USP16: variants seen among roughly 807,000 people sequenced by gnomAD.
USP16 encodes the protein ubiquitin carboxyl-terminal hydrolase 16.
USP16 carries 77 observed loss-of-function variants against 95.9 expected under a neutral mutation model. The ratio of observed to expected loss-of-function variants is 0.80; its 90% confidence interval spans 0.67 to 0.97. USP16 has a LOEUF of 0.97. USP16 is among the 50% of genes least tolerant of loss of function. The pLI, the probability that USP16 is intolerant of heterozygous loss-of-function variation, is 0.00. For missense variants in USP16, 943 were observed against 959.9 expected (o/e 0.98, Z 0.23); for synonymous variants, 303 against 318.2 (o/e 0.95, Z 0.51).
intron 3 of USP16, among the ~76,000 whole-genome samples, chr21:29,032,290 G>T (rs998350967): frequency 3.9e-5 from 6 of 151,976 alleles, no homozygotes; most frequent in Non-Finnish European, 1.5e-5. Flanking sequence ...GGAGTTCAGC[G>T]GTATAATCAC....
rs553862493 is a variant in USP16, at chr21:29,032,599, C to T, written c.240+1826C>T. 7.2e-3 allele frequency among the ~76,000 whole-genome samples: 1,093 copies of T among 152,254 alleles called. 12 individuals are homozygous for T. The highest frequency in any genetic ancestry group is 0.025 in the African/African-American group (1,036 of 41,548). On this transcript the variant is annotated intron_variant, in intron 3 of 17. Coordinates refer to ENST00000399976, the MANE Select transcript of USP16 (RefSeq NM_006447.3). ...CAAAGCTGTGTGTATCAAGTTTGCT[C>T]TTTTTTTATTACTGAGCGTATTTTA...
chr21:29,027,319 A>G (rs556387255), intron 1 of USP16, among the ~76,000 whole-genome samples: 1 of 152,370 alleles, frequency 6.6e-6, no homozygotes, highest in Admixed American at 6.5e-5. Flanking sequence ...CGCATAGGAA[A>G]TCCTGGTGTG....
Position 29,053,836 on chromosome 21 carries a change from C to T in USP16, c.2228C>T (p.Ser743Phe). The T allele has an allele frequency of 1.2e-6, 2 of 1,613,822 alleles. No homozygotes were observed. Among genetic ancestry groups the T allele is most frequent in the Non-Finnish European group, 1.7e-6 (2 of 1,179,926 alleles). The change falls in exon 17 of 18, where the codon TCC (serine) becomes TTC (phenylalanine). Residue 743 changes from serine (S) to phenylalanine (F), a missense_variant. Physicochemically the swap from Ser to Phe is radical, Grantham distance 155 (BLOSUM62 -2). Coordinates refer to ENST00000399976, the MANE Select transcript of USP16 (RefSeq NM_006447.3). The stretch of plus-strand genomic sequence containing the variant: ...GAAGAAAATACAAGGGTACTCTATT[C>T]CTTATATGGAGTTGTTGAACACAGT... ...VAEENTRVLYSLYGVVEHSGT... is the reference protein window; with the variant it reads ...VAEENTRVLYFLYGVVEHSGT...
At chr21:29,051,120 A>G (rs2085406978) in intron 16 of USP16, among the ~76,000 whole-genome samples, 1 of 152,142 alleles carries the variant, frequency 6.6e-6, no homozygotes, top group African/African-American at 2.4e-5. Context: ...TGGCAGAGAA[A>G]GGGTTGAGGA....
At chr21:29,053,590 C>T in intron 16 of USP16, 1 of 476,146 alleles carries the variant, frequency 2.1e-6, no homozygotes, top group South Asian at 4.3e-5. Flanking sequence ...TGGCTTACAG[C>T]TTTTCTACCA....
chr21:29,038,896 T>A, intron 7 of USP16, 130 bp from the exon 8 acceptor site: 1 of 875,078 alleles, frequency 1.1e-6, no homozygotes, highest in Non-Finnish European at 1.6e-6. Context: ...TCTTTTGATG[T>A]ACATTTTAAA....
At chr21:29,046,065 A>C (rs955438506) in intron 13 of USP16, among the ~76,000 whole-genome samples, 1 of 152,106 alleles carries the variant, frequency 6.6e-6, no homozygotes, top group Admixed American at 6.5e-5. Flanking sequence ...CTCAAGTGAG[A>C]TGCCCTCCTT....
At chr21:29,047,972 A>G (rs995768670) in intron 14 of USP16, among the ~76,000 whole-genome samples, 1 of 151,226 alleles carries the variant, frequency 6.6e-6, no homozygotes, top group Non-Finnish European at 1.5e-5. Flanking sequence ...GTGTGTATGT[A>G]TATATATATA....
At chr21:29,028,641 G>A (rs1343927138) in intron 2 of USP16, among the ~76,000 whole-genome samples, 2 of 152,024 alleles carry the variant, frequency 1.3e-5, no homozygotes, top group African/African-American at 2.4e-5. Flanking sequence ...TCACCATGTT[G>A]ACCAGGCTGG....
chr21:29,050,692 C>T (rs771737301), intron 16 of USP16, among the ~76,000 whole-genome samples: 23 of 152,094 alleles, frequency 1.5e-4, no homozygotes, highest in Non-Finnish European at 2.9e-4. Flanking sequence ...AGACTGGTAA[C>T]GTATGTAGTT....
chr21:29,041,774 G>T (rs908384971), intron 10 of USP16, among the ~76,000 whole-genome samples: 2 of 152,116 alleles, frequency 1.3e-5, no homozygotes, highest in Non-Finnish European at 2.9e-5. Flanking sequence ...CTTGGATAAG[G>T]ACTTTTTTGT....
At chr21:29,026,788 C>T (rs758949140) in intron 1 of USP16, 3 of 151,790 alleles carry the variant, frequency 2.0e-5, no homozygotes, top group Non-Finnish European at 2.9e-5. Flanking sequence ...TATGAAAATC[C>T]GATGTGATAA....
chr21:29,045,097 A>G (rs1020768908), intron 13 of USP16, among the ~76,000 whole-genome samples: 2 of 152,196 alleles, frequency 1.3e-5, no homozygotes, highest in Admixed American at 1.3e-4. Flanking sequence ...TATAAATTAG[A>G]TTAAGCATAT....
In USP16 at chr21:29,054,260, CTA is replaced by C; in HGVS notation, c.*74_*75del. The C allele has an allele frequency of 6.6e-7, 1 of 1,509,026 alleles. No homozygotes were observed. The highest frequency in any genetic ancestry group is 9.0e-7 in the Non-Finnish European group (1 of 1,106,438). 93.5% of individuals were successfully genotyped at this position (1,509,026 alleles called of 1,614,324 possible). On this transcript the variant is annotated 3_prime_UTR_variant, in exon 18 of 18. Transcript: ENST00000399976. ...TGGCTGAAATAACGATAAAAAAAGA[CTA>C]ATTAAAATCATGTTCACTTAACATT...
At chr21:29,033,870 GC>G (rs2085112760) in intron 3 of USP16, among the ~76,000 whole-genome samples, 1 of 152,182 alleles carries the variant, frequency 6.6e-6, no homozygotes, top group Non-Finnish European at 1.5e-5. Flanking sequence ...GGAGGAGGTG[GC>G]TTTTGAGCAA....
chr21:29,028,730 C>T (rs898230106), intron 2 of USP16, among the ~76,000 whole-genome samples: 13 of 152,104 alleles, frequency 8.5e-5, no homozygotes, highest in East Asian at 7.7e-4. Flanking sequence ...CCACCGCGCC[C>T]GACCTTCAAC....
intron 7 of USP16, 42 bp downstream of exon 7, chr21:29,038,472 GAA>G (rs1159583450): frequency 3.3e-6 from 4 of 1,228,808 alleles, no homozygotes; most frequent in Non-Finnish European, 4.7e-6. Context: ...TTTCCTCTCT[GAA>G]TGTGTGTTTT....
chr21:29,045,845 G>A (rs1239348703), intron 13 of USP16, among the ~76,000 whole-genome samples: 1 of 152,026 alleles, frequency 6.6e-6, no homozygotes, highest in South Asian at 2.1e-4. Context: ...TCACTTTGTT[G>A]CCCAGGCTGG....
At chr21:29,026,675 C>G (rs1192042324) in intron 1 of USP16, 1 of 151,412 alleles carries the variant, frequency 6.6e-6, no homozygotes, top group Admixed American at 6.6e-5. Flanking sequence ...AGCCACCGCA[C>G]CCAGACAACA....
Sources: allele counts gnomAD v4.1 joint callset (sites outside exome capture counted in the v4.1 genomes callset), GRCh38; gene constraint gnomAD v4.1.1; transcripts MANE v1.5; gene names NCBI Gene and HGNC (gene_info 2026-07-23, HGNC 2026-07-21).